Variants in SNX1 observed in about 807,000 individuals in gnomAD.
The protein encoded by SNX1 is sorting nexin-1.
Under a neutral mutation model 71.8 loss-of-function variants are expected in SNX1, and 36 were observed. That is an observed-to-expected ratio of 0.50 (90% confidence interval 0.38 to 0.66). SNX1 has a LOEUF of 0.66. SNX1 is among the 30% of genes least tolerant of loss of function. SNX1 has a pLI of 0.00. For synonymous variants in SNX1, 254 were observed against 240.7 expected, an observed-to-expected ratio of 1.06 and a Z score of -0.51; for missense variants, 612 against 646.7, an observed-to-expected ratio of 0.95 and a Z score of 0.58.
intron 4 of SNX1, among the ~76,000 whole-genome samples, chr15:64,122,998 G>A (rs2081211296): frequency 6.6e-6 from 1 of 152,104 alleles, no homozygotes; most frequent in African/African-American, 2.4e-5. Flanking sequence ...GTCCCCCCCG[G>A]CACCAATGGA....
At position 64,134,476 on chromosome 15, in the gene SNX1, G is replaced by T; in HGVS notation, c.1222-188G>T. On this transcript the variant is annotated intron_variant, in intron 11 of 14. Coordinates refer to ENST00000559844, the MANE Select transcript of SNX1 (RefSeq NM_003099.5). The surrounding 1 kb of genome is among the most constrained non-coding windows in gnomAD (Gnocchi z 4.1). The stretch of plus-strand genomic sequence containing the variant: ...CATGGCACTGGCCTTCTGGAAGCTT[G>T]GAGAGGAGTCTTACCCAAGCTTTGC... The T allele has an allele frequency of 1.6e-6, 1 of 624,088 alleles. No homozygotes were observed. The highest frequency in any genetic ancestry group is 2.7e-6 in the Non-Finnish European group (1 of 366,222). The allele number at this position is 624,088 out of a possible 1,614,324, so 38.7% of individuals were successfully genotyped here.
chr15:64,126,265 A>G, intron 6 of SNX1, 45 bp downstream of exon 6: 1 of 1,594,420 alleles, frequency 6.3e-7, no homozygotes, highest in African/African-American at 1.4e-5. Context: ...TTTCCTTTGC[A>G]TTCTCTCCAA....
intron 1 of SNX1, among the ~76,000 whole-genome samples, chr15:64,097,914 T>C (rs2080920116): frequency 6.6e-6 from 1 of 152,246 alleles, no homozygotes; most frequent in Admixed American, 6.5e-5. Flanking sequence ...ATTCAGAAAT[T>C]GAGTCCATAA....
intron 1 of SNX1, among the ~76,000 whole-genome samples, chr15:64,104,559 C>T (rs977283414): frequency 6.6e-6 from 1 of 151,870 alleles, no homozygotes; most frequent in Non-Finnish European, 1.5e-5. Context: ...AGGCGTGAGC[C>T]ACTGCGCCCG....
intron 1 of SNX1, among the ~76,000 whole-genome samples, chr15:64,102,761 C>CTT (rs60616312): frequency 0.09 from 6,851 of 76,408 alleles, 1,004 homozygotes; most frequent in African/African-American, 0.12. Context: ...ACCACGCCTT[C>CTT]TTTTTTTTTT....
chr15:64,109,598 C>T (rs1391709326), intron 1 of SNX1, among the ~76,000 whole-genome samples: 1 of 152,056 alleles, frequency 6.6e-6, no homozygotes, highest in East Asian at 1.9e-4. Flanking sequence ...CCTCTGCCTC[C>T]TGGGTTCAAG....
At chr15:64,119,344 A>G (rs559877126) in intron 4 of SNX1, among the ~76,000 whole-genome samples, 5 of 151,344 alleles carry the variant, frequency 3.3e-5, no homozygotes, top group Non-Finnish European at 7.4e-5. Context: ...CTGGTCTCAA[A>G]CTCCTGGCCT....
chr15:64,117,072 G>A (rs2081136896), intron 2 of SNX1, among the ~76,000 whole-genome samples: 1 of 152,152 alleles, frequency 6.6e-6, no homozygotes, highest in African/African-American at 2.4e-5. Flanking sequence ...AAATAACAGT[G>A]CTGTCATCAG....
At chr15:64,110,981 A>G (rs1340846565) in intron 1 of SNX1, among the ~76,000 whole-genome samples, 1 of 152,074 alleles carries the variant, frequency 6.6e-6, no homozygotes, top group African/African-American at 2.4e-5. Context: ...TGTTGTTTTA[A>G]TCTCCCCCGT....
intron 10 of SNX1, 75 bp downstream of exon 10, chr15:64,130,396 T>A: frequency 8.4e-7 from 1 of 1,191,678 alleles, no homozygotes; most frequent in Non-Finnish European, 1.2e-6. Context: ...GAGGGCATGC[T>A]GTTCCAATCC....
intron 14 of SNX1, among the ~76,000 whole-genome samples, chr15:64,137,202 G>A (rs975558848): frequency 6.6e-6 from 1 of 152,184 alleles, no homozygotes; most frequent in African/African-American, 2.4e-5. Flanking sequence ...CTTACCCTTC[G>A]AGGAGCCACC....
At chr15:64,105,745 C>T (rs1315753714) in intron 1 of SNX1, among the ~76,000 whole-genome samples, 1 of 152,164 alleles carries the variant, frequency 6.6e-6, no homozygotes, top group Non-Finnish European at 1.5e-5. Context: ...ATGTCTGAGG[C>T]TAAATCTGGG....
chr15:64,102,054 G>A (rs950319025), intron 1 of SNX1, among the ~76,000 whole-genome samples: 4 of 151,968 alleles, frequency 2.6e-5, no homozygotes, highest in African/African-American at 9.7e-5. Flanking sequence ...AAAAATTAAA[G>A]AATAATGCTT....
chr15:64,129,898 G>A lies in SNX1; in HGVS notation c.808-18G>A, dbSNP rs1350008585. On this transcript the variant is annotated intron_variant, in intron 8 of 14. Coordinates refer to ENST00000559844, the MANE Select transcript of SNX1 (RefSeq NM_003099.5). The surrounding 1 kb of genome is among the most constrained non-coding windows in gnomAD (Gnocchi z 4.4). ...GGGCAGCAGATAACTTGCCATCCCT[G>A]CCTTCTTGGTCTTGTAGCTGCCACG... 5 of 1,588,898 alleles carry A rather than the reference G, an allele frequency of 3.1e-6. No individual in the cohort carries two copies. Among genetic ancestry groups the A allele is most frequent in the Non-Finnish European group, 4.3e-6 (5 of 1,157,338 alleles).
At chr15:64,125,708 C>G (rs1161876465) in intron 5 of SNX1, among the ~76,000 whole-genome samples, 5 of 152,102 alleles carry the variant, frequency 3.3e-5, no homozygotes, top group African/African-American at 4.8e-5. Flanking sequence ...TAGCTTTAAA[C>G]TAGAACTGAA....
At chr15:64,135,584 C>T (rs1200544383) in intron 12 of SNX1, among the ~76,000 whole-genome samples, 4 of 151,090 alleles carry the variant, frequency 2.6e-5, no homozygotes, top group African/African-American at 4.9e-5. Flanking sequence ...GGTGAAACCC[C>T]GTCTCTACTA....
intron 3 of SNX1, 147 bp from the exon 4 acceptor site, chr15:64,118,641 G>A (rs961774054): frequency 1.4e-5 from 8 of 591,580 alleles, no homozygotes; most frequent in African/African-American, 1.9e-5. Flanking sequence ...TTGAGAGTTG[G>A]TACATTGGGA....
chr15:64,125,984 TG>T, intron 5 of SNX1, 94 bp from the exon 6 acceptor site: 1 of 1,333,586 alleles, frequency 7.5e-7, no homozygotes, highest in Non-Finnish European at 1.1e-6. Flanking sequence ...GGCAGGGATC[TG>T]GGAAATGGGT....
intron 10 of SNX1, among the ~76,000 whole-genome samples, chr15:64,131,357 C>G (rs554094575): frequency 3.9e-5 from 6 of 152,232 alleles, no homozygotes; most frequent in Admixed American, 3.9e-4. Context: ...TGAGCTTCAA[C>G]ATAAATATAA....
Sources: gnomAD v4.1 joint callset for allele counts (sites outside exome capture counted in the v4.1 genomes callset) on GRCh38, gnomAD v4.1.1 for gene constraint, Gnocchi (gnomAD v3.1) non-coding constraint, MANE v1.5 for transcripts, NCBI Gene and HGNC (gene_info 2026-07-23, HGNC 2026-07-21) for gene names.